The following RBFOX3 variants were observed in gnomAD, a reference collection of about 807,000 sequenced individuals.
RBFOX3 encodes the protein RNA binding fox-1 homolog 3.
Under a neutral mutation model 48.7 loss-of-function variants are expected in RBFOX3, and 17 were observed. The ratio of observed to expected loss-of-function variants is 0.35; its 90% CI spans 0.24 to 0.52. The LOEUF (loss-of-function observed/expected upper bound fraction) is 0.52. RBFOX3 is among the 20% of genes least tolerant of loss of function. RBFOX3 has a pLI of 0.94. For missense variants in RBFOX3, 382 were observed against 497.5 expected (o/e 0.77, Z 2.21); for synonymous variants, 212 against 209.5 (o/e 1.01, Z -0.10).
intron 4 of RBFOX3, among the ~76,000 whole-genome samples, chr17:79,175,028 C>T (rs2050235083): frequency 6.6e-6 from 1 of 152,264 alleles, no homozygotes; most frequent in Non-Finnish European, 1.5e-5. Flanking sequence ...AGGCATGCCC[C>T]AGCCCCTCCT....
At chr17:79,406,984 T>C (rs74938176) in intron 2 of RBFOX3, among the ~76,000 whole-genome samples, 14,784 of 152,276 alleles carry the variant, frequency 0.097, 870 homozygotes, top group South Asian at 0.15. Context: ...CCACCGGTGC[T>C]TACCAACGTC....
At chr17:79,483,501 C>T (rs1425333625) in intron 1 of RBFOX3, among the ~76,000 whole-genome samples, 4 of 5,140 alleles carry the variant, frequency 7.8e-4, no homozygotes, top group Non-Finnish European at 1.6e-3. Flanking sequence ...GCACATATGG[C>T]ACCTTTCCAA....
chr17:79,370,586 C>T (rs975243246), intron 2 of RBFOX3, among the ~76,000 whole-genome samples: 3 of 152,010 alleles, frequency 2.0e-5, no homozygotes, highest in African/African-American at 7.3e-5. Context: ...CAGGCACACA[C>T]ACGTACACGT....
chr17:79,555,528 AGTT>A (rs2091631515), intron 1 of RBFOX3, among the ~76,000 whole-genome samples: 4 of 10,756 alleles, frequency 3.7e-4, no homozygotes, highest in African/African-American at 6.0e-4. Context: ...TGGTGATGGT[AGTT>A]GTGGTGGTGG....
the RBFOX3 span, among the ~76,000 whole-genome samples, chr17:79,648,853 T>C: frequency 0.39 from 59,327 of 151,938 alleles, 12,406 homozygotes; most frequent in African/African-American, 0.53. Flanking sequence ...CTTAAAACCC[T>C]CTTGCTCCAG....
rs987041892 is a variant in RBFOX3 at position 79,484,894 on chromosome 17, A to G, written c.-319-2296T>C. On this transcript the variant is annotated intron_variant, in intron 1 of 14. Coordinates refer to ENST00000693108, the MANE Select transcript of RBFOX3 (RefSeq NM_001350451.2). ...GCTGTTCCAATGACCGGAGAAGCAG[A>G]AGTTTCTGTAAGCCCTCAAGTCTCC... is the stretch of plus-strand genomic sequence containing the variant. 3.9e-5 allele frequency among the ~76,000 whole-genome samples: 6 copies of G among 152,250 alleles called. No homozygotes were observed. In the South Asian group the frequency reaches 1.2e-3, roughly 32 times the overall value.
chr17:79,477,332 G>GCA lies in RBFOX3; in HGVS notation c.-175+5121_-175+5122insTG, dbSNP rs2077997514. 6.7e-6 allele frequency among the ~76,000 whole-genome samples: 1 copy of GCA among 150,274 alleles called. No individual in the cohort carries two copies. The highest frequency in any genetic ancestry group is 2.4e-5 in the African/African-American group (1 of 41,054). ...AGCACTTTGGGAGGCCAAGGCAGGT[G>GCA]GATCACGAGGTCAGGAGATCGAGAT... On this transcript the variant is annotated intron_variant, in intron 2 of 14. Coordinates refer to ENST00000693108, the MANE Select transcript of RBFOX3 (RefSeq NM_001350451.2). This position sits in a 1 kb window ranked among gnomAD's most constrained non-coding sequence, Gnocchi z 4.8.
intron 2 of RBFOX3, 53 bp from the exon 3 acceptor site, chr17:79,307,877 T>C (rs2076298522): frequency 6.5e-6 from 1 of 153,726 alleles, no homozygotes; most frequent in Non-Finnish European, 1.5e-5. Flanking sequence ...TCTCTGAATA[T>C]CTAGAGTGCA....
intron 4 of RBFOX3, among the ~76,000 whole-genome samples, chr17:79,147,132 C>T (rs949462450): frequency 6.6e-6 from 1 of 152,218 alleles, no homozygotes; most frequent in Admixed American, 6.5e-5. Context: ...CAGGACCCTC[C>T]AATTCCAAGG....
At chr17:79,476,368 T>C (rs1306069044) in intron 2 of RBFOX3, among the ~76,000 whole-genome samples, 2 of 152,264 alleles carry the variant, frequency 1.3e-5, no homozygotes, top group Non-Finnish European at 1.5e-5. Context: ...GGCCCGTTTT[T>C]CTATTTTTTT....
intron 1 of RBFOX3, among the ~76,000 whole-genome samples, chr17:79,517,774 G>A (rs1568371982): frequency 6.6e-6 from 1 of 152,132 alleles, no homozygotes; most frequent in African/African-American, 2.4e-5. Context: ...TAACATCGAC[G>A]GAAACATCAG....
chr17:79,315,792 T>G (rs998625571), intron 2 of RBFOX3, among the ~76,000 whole-genome samples: 1 of 152,186 alleles, frequency 6.6e-6, no homozygotes, highest in East Asian at 1.9e-4. Context: ...ATGAGCAAGA[T>G]GCAGGAAATG....
intron 4 of RBFOX3, among the ~76,000 whole-genome samples, chr17:79,117,222 G>A (rs902979969): frequency 8.5e-5 from 13 of 152,240 alleles, no homozygotes; most frequent in African/African-American, 2.9e-4. Flanking sequence ...GACAGATGCC[G>A]CCTCTGCCTG....
chr17:79,508,171 C>G (rs2083450159), intron 1 of RBFOX3, among the ~76,000 whole-genome samples: 2 of 152,362 alleles, frequency 1.3e-5, no homozygotes, highest in African/African-American at 4.8e-5. Flanking sequence ...GACGGCAGCC[C>G]CTGCGCTCGC....
the RBFOX3 span, among the ~76,000 whole-genome samples, chr17:79,636,305 A>G: frequency 6.6e-6 from 1 of 152,150 alleles, no homozygotes; most frequent in Non-Finnish European, 1.5e-5. Flanking sequence ...GATTTTCTGA[A>G]TATACCTATA....
chr17:79,163,498 T>C (rs920747193), intron 4 of RBFOX3, among the ~76,000 whole-genome samples: 4 of 152,202 alleles, frequency 2.6e-5, no homozygotes, highest in African/African-American at 9.7e-5. Context: ...AGAGATCCTG[T>C]CATTCAGGAG....
At chr17:79,466,326 G>A (rs991318401) in intron 2 of RBFOX3, among the ~76,000 whole-genome samples, 7 of 152,208 alleles carry the variant, frequency 4.6e-5, no homozygotes, top group African/African-American at 1.7e-4. Context: ...GGGGGCGGGG[G>A]GCGAGCACAG....
At chr17:79,382,985 G>A (rs2060108508) in intron 2 of RBFOX3, among the ~76,000 whole-genome samples, 1 of 151,452 alleles carries the variant, frequency 6.6e-6, no homozygotes, top group Admixed American at 6.6e-5. Context: ...CACATTTTCT[G>A]GGGCTGTGTG....
the RBFOX3 span, among the ~76,000 whole-genome samples, chr17:79,620,407 A>C: frequency 6.7e-6 from 1 of 149,188 alleles, no homozygotes; most frequent in Admixed American, 6.7e-5. Context: ...ACATGCACAC[A>C]CACGGACATG....
Sources: allele counts gnomAD v4.1 joint callset (sites outside exome capture counted in the v4.1 genomes callset), GRCh38; gene constraint gnomAD v4.1.1; non-coding constraint Gnocchi (gnomAD v3.1); transcripts MANE v1.5; gene names NCBI Gene and HGNC (gene_info 2026-07-23, HGNC 2026-07-21).